Variants in TFEC observed in about 807,000 individuals in gnomAD.
TFEC encodes the protein class E basic helix-loop-helix protein 34.
Under a neutral mutation model 41.6 loss-of-function variants are expected in TFEC, and 31 were observed. The observed-to-expected ratio is 0.74, with a 90% CI of 0.56 to 1.01. TFEC has a LOEUF of 1.01. Among genes scored for constraint, TFEC ranks in the 50% least tolerant of loss-of-function variants. The pLI is 0.00. For missense variants in TFEC, 402 were observed against 404.1 expected (o/e 0.99, Z 0.04); for synonymous variants, 143 against 140.6 (o/e 1.02, Z -0.12).
chr7:115,992,578 C>A (rs1794172005), intron 1 of TFEC, among the ~76,000 whole-genome samples: 1 of 152,098 alleles, frequency 6.6e-6, no homozygotes, highest in Non-Finnish European at 1.5e-5. Context: ...ACTATAAAAA[C>A]TATGCAAATA....
intron 3 of TFEC, among the ~76,000 whole-genome samples, chr7:116,090,721 T>G (rs919758634): frequency 6.6e-6 from 1 of 152,110 alleles, no homozygotes; most frequent in Non-Finnish European, 1.5e-5. Context: ...AAGTAAAAAT[T>G]TTACAATCTA....
intron 1 of TFEC, among the ~76,000 whole-genome samples, chr7:115,994,068 T>C (rs1394790674): frequency 1.3e-5 from 2 of 152,204 alleles, no homozygotes; most frequent in Non-Finnish European, 2.9e-5. Context: ...TACAACCATC[T>C]GATCTTTGAC....
intron 3 of TFEC, among the ~76,000 whole-genome samples, chr7:116,048,614 T>G (rs1796230079): frequency 6.6e-6 from 1 of 152,134 alleles, no homozygotes; most frequent in Admixed American, 6.5e-5. Context: ...ACATTCAAAT[T>G]CAGGAAATTC....
intron 3 of TFEC, among the ~76,000 whole-genome samples, chr7:116,040,531 T>A (rs778912134): frequency 1.3e-5 from 2 of 152,218 alleles, no homozygotes; most frequent in Non-Finnish European, 2.9e-5. Flanking sequence ...ATTTTAATAT[T>A]ATTTTTGCTT....
chr7:115,963,948 A>G lies in TFEC; in HGVS notation c.268-7155T>C, dbSNP rs115110936. Among the ~76,000 whole-genome samples the G allele has an allele frequency of 3.5e-3, 528 of 151,798 alleles. 1 individual carries two copies. The highest frequency in any genetic ancestry group is 0.012 in the African/African-American group (511 of 41,498). On this transcript the variant is annotated intron_variant, in intron 3 of 7. Coordinates refer to ENST00000265440, the MANE Select transcript of TFEC (RefSeq NM_012252.4). ...TTATATTTTACCCCAATATAAAAAC[A>G]TAATGGGATATACTACCAACAGGGA... is the stretch of plus-strand genomic sequence containing the variant.
chr7:116,136,666 GAAAAAT>G (rs1798438389), intron 1 of TFEC, among the ~76,000 whole-genome samples: 1 of 151,624 alleles, frequency 6.6e-6, no homozygotes, highest in Non-Finnish European at 1.5e-5. Flanking sequence ...TTCAAATTTT[GAAAAAT>G]CAGTTGATTC....
chr7:116,023,496 CTT>C, intron 1 of TFEC, among the ~76,000 whole-genome samples: 1 of 152,198 alleles, frequency 6.6e-6, no homozygotes, highest in Admixed American at 6.5e-5. Flanking sequence ...AGATAGAACT[CTT>C]TTACAATATT....
chr7:116,072,582 T>C (rs1212170476), intron 3 of TFEC, among the ~76,000 whole-genome samples: 1 of 151,630 alleles, frequency 6.6e-6, no homozygotes. Context: ...GCTGGGACCA[T>C]TTTTCTTAAA....
At chr7:115,961,726 A>G (rs1255356061) in intron 3 of TFEC, among the ~76,000 whole-genome samples, 1 of 151,774 alleles carries the variant, frequency 6.6e-6, no homozygotes, top group Non-Finnish European at 1.5e-5. Flanking sequence ...TAAAAGGTAA[A>G]AAGTTTCTCC....
intron 1 of TFEC, among the ~76,000 whole-genome samples, chr7:115,992,723 A>G (rs947720627): frequency 6.6e-6 from 1 of 152,312 alleles, no homozygotes; most frequent in Admixed American, 6.5e-5. Flanking sequence ...TAGCCTACCA[A>G]CCAAAAAAAG....
At chr7:115,958,725 G>C (rs564290710) in intron 3 of TFEC, among the ~76,000 whole-genome samples, 1 of 151,928 alleles carries the variant, frequency 6.6e-6, no homozygotes, top group East Asian at 1.9e-4. Context: ...AACTGTAGCC[G>C]TATTGCATAT....
intron 1 of TFEC, among the ~76,000 whole-genome samples, chr7:116,140,825 T>C (rs1340277051): frequency 6.6e-6 from 1 of 152,188 alleles, no homozygotes; most frequent in South Asian, 2.1e-4. Context: ...AGGGCAACCA[T>C]GATGAACTAA....
chr7:115,992,634 A>C (rs13234806), intron 1 of TFEC, among the ~76,000 whole-genome samples: 129,508 of 152,140 alleles, frequency 0.85, 55,258 homozygotes, highest in Non-Finnish European at 0.89. Flanking sequence ...GATACATACA[A>C]CCTCCCAAGA....
At chr7:116,159,563 A>G (rs1038283098) in intron 1 of TFEC, among the ~76,000 whole-genome samples, 1 of 152,080 alleles carries the variant, frequency 6.6e-6, no homozygotes, top group Non-Finnish European at 1.5e-5. Flanking sequence ...TTTTCCTTCT[A>G]GTGAATTCAC....
chr7:116,081,245 A>G (rs1797083227), intron 3 of TFEC, among the ~76,000 whole-genome samples: 1 of 151,920 alleles, frequency 6.6e-6, no homozygotes, highest in South Asian at 2.1e-4. Flanking sequence ...GAGGGATAAA[A>G]GACTACCCAC....
At chr7:116,144,932 C>G (rs1281393458) in intron 1 of TFEC, among the ~76,000 whole-genome samples, 1 of 152,164 alleles carries the variant, frequency 6.6e-6, no homozygotes, top group Non-Finnish European at 1.5e-5. Context: ...CTCTCTCTCT[C>G]CCTATCTCTC....
rs1269011047 is a variant in TFEC, at chr7:116,110,784, G to C, written c.122C>G (p.Ser41Ter). 1 of 1,547,658 alleles carries C rather than the reference G, an allele frequency of 6.5e-7. No individual in the cohort carries two copies. The highest frequency in any genetic ancestry group is 1.2e-5 in the South Asian group (1 of 83,488). The change falls in exon 3 of 9, where the codon TCA becomes TGA. Residue 41 changes from serine to a stop codon, truncating the protein, a stop_gained. Coordinates refer to the TFEC transcript ENST00000484212. LOFTEE classifies it high-confidence loss of function. Reference sequence around the variant, plus strand: ...AAGTCTATGCAACACTGGTTTGTATGAAAACTGCATGTGGAACTCTGTTCT... The same window carrying C: ...AAGTCTATGCAACACTGGTTTGTATCAAAACTGCATGTGGAACTCTGTTCT...
chr7:116,090,417 C>T (rs1227886319), intron 3 of TFEC, among the ~76,000 whole-genome samples: 1 of 152,142 alleles, frequency 6.6e-6, no homozygotes, highest in Non-Finnish European at 1.5e-5. Context: ...CTTTCATTTT[C>T]AGTAAATCTC....
intron 3 of TFEC, among the ~76,000 whole-genome samples, chr7:116,042,379 T>C (rs1416326044): frequency 6.6e-6 from 1 of 152,158 alleles, no homozygotes; most frequent in Non-Finnish European, 1.5e-5. Context: ...TGACCAGATA[T>C]TGACGAAAAG....
Sources: allele counts gnomAD v4.1 joint callset (sites outside exome capture counted in the v4.1 genomes callset), GRCh38; gene constraint gnomAD v4.1.1; transcripts MANE v1.5; gene names NCBI Gene and HGNC (gene_info 2026-07-23, HGNC 2026-07-21).